The following GSE1 variants were observed in gnomAD, a reference collection of about 807,000 sequenced individuals.
The protein encoded by GSE1 is Gse1 coiled-coil protein.
A neutral mutation model predicts 112.6 loss-of-function variants in GSE1; 32 were observed. The ratio of observed to expected loss-of-function variants is 0.28; its 90% confidence interval spans 0.21 to 0.38. The LOEUF (loss-of-function observed/expected upper bound fraction) is 0.38, where lower values mean the gene tolerates loss of function less well. GSE1 is among the 10% of genes least tolerant of loss of function. GSE1 has a pLI of 1.00. For missense variants in GSE1, 2,348 were observed against 1,699.2 expected, an observed-to-expected ratio of 1.38 and a Z score of -6.71; for synonymous variants, 1,115 against 735.6, an observed-to-expected ratio of 1.52 and a Z score of -8.35.
chr16:85,643,976 G>A (rs1178293684), intron 2 of GSE1, among the ~76,000 whole-genome samples: 1 of 152,118 alleles, frequency 6.6e-6, no homozygotes, highest in African/African-American at 2.4e-5. Flanking sequence ...CACAGCTACT[G>A]GAATCTAGAT....
chr16:85,359,771 G>A (rs541668491), intron 2 of GSE1, among the ~76,000 whole-genome samples: 1 of 152,290 alleles, frequency 6.6e-6, no homozygotes, highest in South Asian at 2.1e-4. Flanking sequence ...CTCCCGCGCC[G>A]AACTCACCCT....
intron 2 of GSE1, among the ~76,000 whole-genome samples, chr16:85,536,117 C>G (rs922585851): frequency 9.2e-5 from 14 of 152,218 alleles, no homozygotes; most frequent in Admixed American, 9.2e-4. Context: ...CCCAGGGAAA[C>G]GGTCCCCAGG....
At chr16:85,654,564 G>T (rs1202203222) in intron 4 of GSE1, 114 bp downstream of exon 4, 3 of 955,672 alleles carry the variant, frequency 3.1e-6, no homozygotes, top group Non-Finnish European at 4.8e-6. Context: ...CTGCTAGATG[G>T]TTGTCGGCCG....
intron 1 of GSE1, among the ~76,000 whole-genome samples, chr16:85,340,650 C>G (rs554865589): frequency 6.6e-6 from 1 of 152,272 alleles, no homozygotes; most frequent in South Asian, 2.1e-4. Context: ...CAAAAACAAA[C>G]AAAGAAAAAA....
intron 1 of GSE1, among the ~76,000 whole-genome samples, chr16:85,288,146 A>T (rs1265175743): frequency 6.6e-6 from 1 of 152,196 alleles, no homozygotes; most frequent in Non-Finnish European, 1.5e-5. Context: ...AGGCTGAGGC[A>T]GGAGAGTCGT....
At chr16:85,341,995 C>G (rs1050291722) in intron 1 of GSE1, among the ~76,000 whole-genome samples, 3 of 152,224 alleles carry the variant, frequency 2.0e-5, no homozygotes, top group South Asian at 2.1e-4. Flanking sequence ...CAGGTGGTCT[C>G]TCTATCCCTG....
chr16:85,517,858 C>T (rs1353726544), intron 2 of GSE1, among the ~76,000 whole-genome samples: 1 of 152,266 alleles, frequency 6.6e-6, no homozygotes, highest in Non-Finnish European at 1.5e-5. Flanking sequence ...GAACGACAAG[C>T]GGAGCCGCGT....
intron 2 of GSE1, among the ~76,000 whole-genome samples, chr16:85,391,246 C>T (rs1433044205): frequency 1.3e-5 from 2 of 152,224 alleles, no homozygotes; most frequent in East Asian, 1.9e-4. Flanking sequence ...CAAACACATT[C>T]GGGCATTAAT....
chr16:85,621,365 G>A (rs2048732011), intron 1 of GSE1, among the ~76,000 whole-genome samples: 2 of 152,340 alleles, frequency 1.3e-5, no homozygotes, highest in South Asian at 2.1e-4. Context: ...TGTGTCCACC[G>A]CCCCCCGTGC....
At chr16:85,238,411 T>C (rs12599860) in intron 1 of GSE1, among the ~76,000 whole-genome samples, 69,248 of 152,124 alleles carry the variant, frequency 0.46, 16,034 homozygotes, top group Middle Eastern at 0.55. Context: ...CCTGCAGCGG[T>C]AGCCTGGTGG....
Position 85,373,877 on chromosome 16 carries a change from T to G in GSE1, c.2464+16234T>G, listed in dbSNP as rs1473083018. Among the ~76,000 whole-genome samples, 1 of 152,086 alleles carries G rather than the reference T, an allele frequency of 6.6e-6. No individual in the cohort carries two copies. Among genetic ancestry groups the G allele is most frequent in the Non-Finnish European group, 1.5e-5 (1 of 68,000 alleles). ...CGGCAGGGCCAGTCTCTTTGTCTCT[T>G]TCATGAGCGGCAGCCTCCAGGCACC... On this transcript the variant is annotated intron_variant, in intron 2 of 2. Transcript: ENST00000637419. This position sits in a 1 kb window ranked among gnomAD's most constrained non-coding sequence, Gnocchi z 5.1.
chr16:85,316,113 G>A (rs1226868133), intron 1 of GSE1, among the ~76,000 whole-genome samples: 1 of 152,250 alleles, frequency 6.6e-6, no homozygotes, highest in East Asian at 1.9e-4. Context: ...GAATTTACCA[G>A]AAACCTGATA....
At chr16:85,457,789 A>G (rs1008745865) in intron 2 of GSE1, among the ~76,000 whole-genome samples, 1 of 152,170 alleles carries the variant, frequency 6.6e-6, no homozygotes, top group Non-Finnish European at 1.5e-5. Flanking sequence ...ATGTGGGGAG[A>G]ATATAACCAA....
Position 85,307,708 on chromosome 16 carries a change from C to G in GSE1, c.2284-49755C>G, listed in dbSNP as rs531956536. ...GCACGGCTGACACCATGTGACTGAC[C>G]TTAACCTCCAGCACCTCCGCACGTC... is the stretch of plus-strand genomic sequence containing the variant. On this transcript the variant is annotated intron_variant, in intron 1 of 2. Coordinates refer to the GSE1 transcript ENST00000637419. Among the ~76,000 whole-genome samples the G allele has an allele frequency of 5.3e-5, 8 of 152,320 alleles. No homozygotes were observed. In the East Asian group the frequency reaches 1.4e-3, roughly 26 times the overall value.
At chr16:85,251,386 C>T (rs373543131) in intron 1 of GSE1, among the ~76,000 whole-genome samples, 7 of 152,360 alleles carry the variant, frequency 4.6e-5, no homozygotes, top group East Asian at 1.9e-4. Flanking sequence ...CAGGAAGCGC[C>T]GGGTGAGTGG....
rs1286028328 is a variant in GSE1 at position 85,657,225 on chromosome 16, G to A, written c.1313-52G>A. On this transcript the variant is annotated intron_variant, in intron 7 of 15. Coordinates refer to ENST00000253458, the MANE Select transcript of GSE1 (RefSeq NM_014615.5). ...TTGGGTGAGAGAGGACGGGGAGGGA[G>A]CATGCTGGCCCACGTGGCTGAGATC... 6.4e-6 allele frequency: 8 copies of A among 1,249,454 alleles called. No individual in the cohort carries two copies. The Admixed American group carries it at 1.4e-4, about 22-fold the overall frequency. 77.4% of individuals were successfully genotyped at this position (1,249,454 alleles called of 1,614,324 possible). A position where few individuals can be genotyped will look rare whatever the true frequency, so the allele number is the denominator to read the frequency against.
chr16:85,338,339 C>T (rs946753062), intron 1 of GSE1, among the ~76,000 whole-genome samples: 2 of 152,240 alleles, frequency 1.3e-5, no homozygotes, highest in African/African-American at 4.8e-5. Flanking sequence ...CCTAACCTTC[C>T]GGGCTGCTCT....
At chr16:85,443,498 C>T (rs887892863) in intron 2 of GSE1, among the ~76,000 whole-genome samples, 1 of 152,258 alleles carries the variant, frequency 6.6e-6, no homozygotes, top group Non-Finnish European at 1.5e-5. Context: ...AAGGCGCTTC[C>T]ACCTGGCCCA....
At chr16:85,589,672 C>T (rs533324757) in intron 1 of GSE1, among the ~76,000 whole-genome samples, 19 of 152,066 alleles carry the variant, frequency 1.2e-4, no homozygotes, top group Non-Finnish European at 2.1e-4. Context: ...AAATGTATGG[C>T]GGTGTATGGA....
Sources: gnomAD v4.1 joint callset for allele counts (sites outside exome capture counted in the v4.1 genomes callset) on GRCh38, gnomAD v4.1.1 for gene constraint, Gnocchi (gnomAD v3.1) non-coding constraint, MANE v1.5 for transcripts, NCBI Gene and HGNC (gene_info 2026-07-23, HGNC 2026-07-21) for gene names.